The following NFIB variants were observed in gnomAD, a reference collection of about 807,000 sequenced individuals.
The protein encoded by NFIB is nuclear factor 1 B-type.
In NFIB, 11 loss-of-function variants were observed where a neutral mutation model predicts 61.5. The ratio of observed to expected loss-of-function variants is 0.18; its 90% confidence interval spans 0.11 to 0.30. NFIB has a LOEUF of 0.30. NFIB is among the 10% of genes least tolerant of loss of function. The pLI is 1.00. For synonymous variants in NFIB, 260 were observed against 216.5 expected (o/e 1.20, Z -1.76); for missense variants, 471 against 608.9 (o/e 0.77, Z 2.38).
At chr9:14,241,079 T>C (rs142028957) in intron 2 of NFIB, among the ~76,000 whole-genome samples, 1 of 152,214 alleles carries the variant, frequency 6.6e-6, no homozygotes, top group African/African-American at 2.4e-5. Context: ...AGAAAGCACA[T>C]GGCAAGAATA....
chr9:14,132,343 G>A (rs889118805), intron 6 of NFIB, among the ~76,000 whole-genome samples: 5 of 152,046 alleles, frequency 3.3e-5, no homozygotes, highest in Non-Finnish European at 7.4e-5. Context: ...TTGTAAACAA[G>A]TCTAAATGAA....
At chr9:14,363,634 T>TACATGC (rs1554717199) in intron 1 of NFIB, among the ~76,000 whole-genome samples, 3 of 123,778 alleles carry the variant, frequency 2.4e-5, no homozygotes, top group Admixed American at 7.6e-5. Context: ...TGTGTACATA[T>TACATGC]ACATATATAT....
At chr9:14,519,435 C>T in the NFIB span, among the ~76,000 whole-genome samples, 1 of 152,136 alleles carries the variant, frequency 6.6e-6, no homozygotes, top group African/African-American at 2.4e-5. Context: ...TAAGCAAAGT[C>T]TTTGTGGAAA....
chr9:14,466,197 G>C, the NFIB span, among the ~76,000 whole-genome samples: 1 of 152,204 alleles, frequency 6.6e-6, no homozygotes, highest in Non-Finnish European at 1.5e-5. Context: ...CTGGGATGGT[G>C]CAAGCTGAGG....
chr9:14,200,657 T>C (rs1163107259), intron 2 of NFIB, among the ~76,000 whole-genome samples: 4 of 152,192 alleles, frequency 2.6e-5, no homozygotes, highest in Non-Finnish European at 5.9e-5. Flanking sequence ...CAATCCTCTA[T>C]TTCTGAGGGC....
In NFIB at chr9:14,121,182, T is replaced by G. The variant is rs575867319; in HGVS notation, c.1061-558A>C. On this transcript the variant is annotated intron_variant, in intron 7 of 10. Coordinates refer to ENST00000380953, the MANE Select transcript of NFIB (RefSeq NM_001190737.2). ...GGGAGCTTAAGGCAGGAGAATCACTTGAATCCAGTAGACGGAGGTTGCAGT... is the reference window on the plus strand; with the variant it reads ...GGGAGCTTAAGGCAGGAGAATCACTGGAATCCAGTAGACGGAGGTTGCAGT... Among the ~76,000 whole-genome samples, 14 of 152,306 alleles carry G rather than the reference T, an allele frequency of 9.2e-5. No homozygotes were observed. In the South Asian group the frequency reaches 2.9e-3, roughly 32 times the overall value.
At chr9:14,223,137 G>A (rs758419086) in intron 2 of NFIB, among the ~76,000 whole-genome samples, 25 of 152,278 alleles carry the variant, frequency 1.6e-4, no homozygotes, top group South Asian at 4.1e-4. Flanking sequence ...CATTCAAAGC[G>A]ATCCTGGGTC....
the NFIB span, among the ~76,000 whole-genome samples, chr9:14,449,590 A>C: frequency 6.6e-6 from 1 of 152,190 alleles, no homozygotes; most frequent in Non-Finnish European, 1.5e-5. Flanking sequence ...TTTATCATAT[A>C]ATCCCTGTTC....
intron 2 of NFIB, among the ~76,000 whole-genome samples, chr9:14,272,776 G>A (rs1429827499): frequency 1.3e-5 from 2 of 149,508 alleles, no homozygotes; most frequent in African/African-American, 2.5e-5. Flanking sequence ...AACAGAACAT[G>A]CTACATTTTT....
chr9:14,089,434 T>C (rs1336514757), intron 10 of NFIB, among the ~76,000 whole-genome samples: 1 of 150,882 alleles, frequency 6.6e-6, no homozygotes, highest in African/African-American at 2.4e-5. Context: ...TTAAAAAGTA[T>C]CATATGGAGG....
chr9:14,161,089 T>C (rs188224339), intron 3 of NFIB, among the ~76,000 whole-genome samples: 1 of 152,154 alleles, frequency 6.6e-6, no homozygotes, highest in Admixed American at 6.5e-5. Context: ...TACTTTATAC[T>C]AGCTCTTTGC....
chr9:14,179,863 T>A (rs2046570291), intron 2 of NFIB, 83 bp from the exon 3 acceptor site: 8 of 1,359,358 alleles, frequency 5.9e-6, no homozygotes, highest in Middle Eastern at 1.9e-4. Context: ...GAAAAAAAAA[T>A]TTGAAGGTAT....
At chr9:14,512,781 G>A in the NFIB span, among the ~76,000 whole-genome samples, 23 of 148,944 alleles carry the variant, frequency 1.5e-4, no homozygotes, top group Non-Finnish European at 3.1e-4. Flanking sequence ...CCTACCTCCC[G>A]TCTTTCTTTT....
rs1215096965 is a variant in NFIB, at chr9:14,231,133, AAAAT to A, written c.563-51357_563-51354del. On this transcript the variant is annotated intron_variant, in intron 2 of 10. Coordinates refer to ENST00000380953, the MANE Select transcript of NFIB (RefSeq NM_001190737.2). ...TTTTTCCATGGGGAAAAAAAAAAAA[AAAAT>A]ATATATATATATATATATATATATA... 6.1e-4 allele frequency among the ~76,000 whole-genome samples: 41 copies of A among 67,196 alleles called. 1 individual carries two copies. The highest frequency in any genetic ancestry group is 2.1e-3 in the African/African-American group (35 of 16,692). The allele number at this position is 67,196 out of a possible 152,430, so 44.1% of individuals were successfully genotyped here.
At chr9:14,314,152 C>T, upstream of NFIB, 1 of 601,304 alleles carries the variant, frequency 1.7e-6, no homozygotes. Flanking sequence ...GCGCGGGTGG[C>T]GGGGCGCGCG....
chr9:14,277,415 G>A (rs182043642), intron 2 of NFIB, among the ~76,000 whole-genome samples: 5 of 152,162 alleles, frequency 3.3e-5, no homozygotes, highest in African/African-American at 7.2e-5. Flanking sequence ...GAAGTGTGCC[G>A]AGGCATGTTT....
At chr9:14,298,284 A>G (rs972433177) in intron 2 of NFIB, among the ~76,000 whole-genome samples, 2 of 152,242 alleles carry the variant, frequency 1.3e-5, no homozygotes, top group South Asian at 2.1e-4. Flanking sequence ...TTGTTTTCAC[A>G]TCGGTAACCA....
At chr9:14,138,054 T>A (rs2041270656) in intron 6 of NFIB, among the ~76,000 whole-genome samples, 1 of 152,144 alleles carries the variant, frequency 6.6e-6, no homozygotes, top group Non-Finnish European at 1.5e-5. Flanking sequence ...ATAACGAGCA[T>A]GGGTTTCTTC....
At chr9:14,415,467 T>C in the NFIB span, among the ~76,000 whole-genome samples, 1 of 152,234 alleles carries the variant, frequency 6.6e-6, no homozygotes, top group African/African-American at 2.4e-5. Context: ...TCACAGGTCC[T>C]GCCCACACTC....
Sources: gnomAD v4.1 joint callset for allele counts (sites outside exome capture counted in the v4.1 genomes callset) on GRCh38, gnomAD v4.1.1 for gene constraint, MANE v1.5 for transcripts, NCBI Gene and HGNC (gene_info 2026-07-23, HGNC 2026-07-21) for gene names.